Variants in ADAM12 observed in about 807,000 individuals in gnomAD.
ADAM12 encodes ADAM metallopeptidase domain 12, also known as disintegrin and metalloproteinase domain-containing protein 12.
A neutral mutation model predicts 106.4 loss-of-function variants in ADAM12; 70 were observed. The observed-to-expected ratio is 0.66, with a 90% CI of 0.54 to 0.80. The LOEUF is 0.80. ADAM12 is among the 30% of genes least tolerant of loss of function. ADAM12 has a pLI of 0.00. For synonymous variants in ADAM12, 420 were observed against 433.5 expected, an observed-to-expected ratio of 0.97 and a Z score of 0.39; for missense variants, 1,010 against 1,171.9, an observed-to-expected ratio of 0.86 and a Z score of 2.02.
chr10:126,027,553 T>C (rs1456992533), intron 21 of ADAM12, among the ~76,000 whole-genome samples: 7 of 152,216 alleles, frequency 4.6e-5, no homozygotes, highest in Non-Finnish European at 1.0e-4. Flanking sequence ...AGATGCAAGG[T>C]TGGTTCGGGA....
intron 1 of ADAM12, among the ~76,000 whole-genome samples, chr10:126,338,415 G>A (rs1854793018): frequency 1.3e-5 from 2 of 151,380 alleles, no homozygotes; most frequent in Non-Finnish European, 2.9e-5. Context: ...ACTACGCCCG[G>A]CTAATTTTTT....
chr10:126,089,193 A>G (rs1384170220), intron 11 of ADAM12, among the ~76,000 whole-genome samples: 1 of 152,194 alleles, frequency 6.6e-6, no homozygotes, highest in Admixed American at 6.5e-5. Context: ...CTTTTCAGAT[A>G]CACATGAAGA....
chr10:126,204,958 C>T (rs1957769392), intron 3 of ADAM12, among the ~76,000 whole-genome samples: 1 of 152,182 alleles, frequency 6.6e-6, no homozygotes, highest in Admixed American at 6.5e-5. Flanking sequence ...CCAAGAGTAA[C>T]CCCAGGTTCT....
At chr10:126,378,222 TTG>T (rs1440635865) in intron 1 of ADAM12, among the ~76,000 whole-genome samples, 1 of 152,104 alleles carries the variant, frequency 6.6e-6, no homozygotes. Flanking sequence ...TACAACCAAT[TTG>T]GAAAGCAACT....
chr10:126,201,258 A>G (rs1222308068), intron 3 of ADAM12, among the ~76,000 whole-genome samples: 1 of 152,158 alleles, frequency 6.6e-6, no homozygotes, highest in East Asian at 1.9e-4. Context: ...GACGTAACCA[A>G]GCTAAGTTGA....
chr10:126,322,257 A>G (rs1012490766), intron 2 of ADAM12, among the ~76,000 whole-genome samples: 2 of 152,162 alleles, frequency 1.3e-5, no homozygotes, highest in African/African-American at 4.8e-5. Flanking sequence ...TATCATTGTG[A>G]CCTGTGCTGC....
intron 4 of ADAM12, among the ~76,000 whole-genome samples, chr10:126,148,809 C>T (rs1200557690): frequency 6.6e-6 from 1 of 152,068 alleles, no homozygotes; most frequent in Non-Finnish European, 1.5e-5. Context: ...AGAGAGGCTT[C>T]CTGCAATTTC....
intron 2 of ADAM12, among the ~76,000 whole-genome samples, chr10:126,293,327 T>G (rs2133784222): frequency 6.6e-6 from 1 of 152,086 alleles, no homozygotes; most frequent in East Asian, 1.9e-4. Flanking sequence ...CAGCCCCACC[T>G]GCCCTATGGG....
chr10:126,339,516 C>A (rs1051089578), intron 1 of ADAM12, among the ~76,000 whole-genome samples: 1 of 152,208 alleles, frequency 6.6e-6, no homozygotes, highest in Non-Finnish European at 1.5e-5. Context: ...CTAAAAGATG[C>A]TCCTAGTACT....
intron 1 of ADAM12, among the ~76,000 whole-genome samples, chr10:126,341,128 T>C (rs1306545814): frequency 6.6e-6 from 1 of 152,126 alleles, no homozygotes; most frequent in East Asian, 1.9e-4. Flanking sequence ...TCAGAGAGTC[T>C]TCCCTATTTA....
intron 16 of ADAM12, among the ~76,000 whole-genome samples, chr10:126,048,726 A>C (rs1358961859): frequency 1.3e-5 from 2 of 151,986 alleles, no homozygotes; most frequent in Admixed American, 6.6e-5. Context: ...TCTTCCAAAA[A>C]AAAAAAAAGT....
intron 3 of ADAM12, among the ~76,000 whole-genome samples, chr10:126,241,035 A>G (rs1958512603): frequency 1.3e-5 from 2 of 151,964 alleles, no homozygotes; most frequent in Admixed American, 1.3e-4. Flanking sequence ...TGTTCCAGCC[A>G]TAAAAAGCAA....
chr10:126,158,731 G>C (rs28433808), intron 3 of ADAM12, among the ~76,000 whole-genome samples: 100,550 of 107,680 alleles, frequency 0.93, 47,094 homozygotes, highest in Middle Eastern at 0.97. Flanking sequence ...GGAGGATTCG[G>C]AGAGCATGGG....
In ADAM12 at chr10:126,066,823, C is replaced by T. The variant is rs571447783; in HGVS notation, c.1324-17G>A. The T allele has an allele frequency of 2.5e-6, 4 of 1,608,338 alleles. No homozygotes were observed. The South Asian group carries it at 3.3e-5, about 13-fold the overall frequency. On this transcript the variant is annotated splice_polypyrimidine_tract_variant and intron_variant, in intron 12 of 22. Transcript: ENST00000448723. This position sits in a 1 kb window ranked among gnomAD's most constrained non-coding sequence, Gnocchi z 5.1. Reference sequence around the variant, plus strand: ...CATACATTCCTGGAAAGGGGAATGGCATTTGTTTGACAGGGTCTTATGGAG... The same window carrying T: ...CATACATTCCTGGAAAGGGGAATGGTATTTGTTTGACAGGGTCTTATGGAG...
chr10:126,067,913 A>C (rs892183518), intron 12 of ADAM12, among the ~76,000 whole-genome samples: 137 of 152,224 alleles, frequency 9.0e-4, no homozygotes, highest in African/African-American at 3.1e-3. Flanking sequence ...GCAATTAATA[A>C]AATTTTGTCA....
intron 18 of ADAM12, chr10:126,041,721 G>A: frequency 2.0e-6 from 2 of 1,025,558 alleles, no homozygotes; most frequent in Non-Finnish European, 1.2e-6. Context: ...CATCAGGGCT[G>A]CCAAGGCTGA....
At chr10:126,292,218 G>A (rs556768857) in intron 2 of ADAM12, among the ~76,000 whole-genome samples, 2 of 152,076 alleles carry the variant, frequency 1.3e-5, no homozygotes, top group South Asian at 2.1e-4. Context: ...CATTTCTCCC[G>A]ACTCCCCCGA....
At chr10:126,112,830 T>C (rs868452438) in intron 6 of ADAM12, among the ~76,000 whole-genome samples, 12 of 152,186 alleles carry the variant, frequency 7.9e-5, no homozygotes, top group South Asian at 4.2e-4. Flanking sequence ...TGAAACCCAG[T>C]GTCCTCCTGA....
rs140408866 is a variant in ADAM12 at position 126,348,458 on chromosome 10, C to T, written c.89-17949G>A. Reference sequence around the variant, plus strand: ...GAGAATGGGCCCAAGCATGCCTTTCCGAGTTATGCCCTCACCTCCGTGCTC... The same window carrying T: ...GAGAATGGGCCCAAGCATGCCTTTCTGAGTTATGCCCTCACCTCCGTGCTC... On this transcript the variant is annotated intron_variant, in intron 1 of 22. Coordinates refer to ENST00000448723, the MANE Select transcript of ADAM12 (RefSeq NM_001288973.2). Among the ~76,000 whole-genome samples, 194 of 152,166 alleles carry T rather than the reference C, an allele frequency of 1.3e-3. 1 individual carries two copies. The highest frequency in any genetic ancestry group is 4.4e-3 in the African/African-American group (183 of 41,506).
Sources: gnomAD v4.1 joint callset for allele counts (sites outside exome capture counted in the v4.1 genomes callset) on GRCh38, gnomAD v4.1.1 for gene constraint, Gnocchi (gnomAD v3.1) non-coding constraint, MANE v1.5 for transcripts, NCBI Gene and HGNC (gene_info 2026-07-23, HGNC 2026-07-21) for gene names.